Variants in RBM25 observed in about 807,000 individuals in gnomAD.
RBM25 encodes RNA binding motif protein 25.
RBM25 carries 19 observed loss-of-function variants against 120.7 expected under a neutral mutation model. The observed-to-expected ratio is 0.16, with a 90% confidence interval of 0.11 to 0.23. RBM25 has a LOEUF of 0.23. RBM25 is among the 10% of genes least tolerant of loss of function. The pLI, the probability that RBM25 is intolerant of heterozygous loss-of-function variation, is 1.00. For synonymous variants in RBM25, 390 were observed against 326.7 expected (o/e 1.19, Z -2.09); for missense variants, 605 against 1,041.5 (o/e 0.58, Z 5.77).
chr14:73,105,825 C>CT lies in RBM25; in HGVS notation c.1155-33dup, dbSNP rs1034862828. ...TTTGGTCTTGAAAACAGAAAGTAGACTGACAGATTTGTAAAATATTTTGTT... is the reference window on the plus strand; with the variant it reads ...TTTGGTCTTGAAAACAGAAAGTAGACTTGACAGATTTGTAAAATATTTTGTT... On this transcript the variant is annotated intron_variant, in intron 10 of 18. Transcript: ENST00000261973. 5 of 1,593,916 alleles carry CT rather than the reference C, an allele frequency of 3.1e-6. No homozygotes were observed. The African/African-American group carries it at 5.5e-5, about 17-fold the overall frequency.
chr14:73,076,191 C>T, intron 2 of RBM25, 128 bp from the exon 3 acceptor site: 2 of 753,914 alleles, frequency 2.7e-6, no homozygotes, highest in Admixed American at 2.3e-5. Flanking sequence ...TAGTATTTAT[C>T]AGTATTTCAC....
rs76800119 is a variant in RBM25, at chr14:73,066,757, G to A, written c.-15-4870G>A. Among the ~76,000 whole-genome samples, 147 of 152,080 alleles carry A rather than the reference G, an allele frequency of 9.7e-4. 2 individuals are homozygous for A. In the East Asian group the frequency reaches 0.023, roughly 24 times the overall value. The stretch of plus-strand genomic sequence containing the variant: ...ATTGAAGTTTAGTTTTATTGAATAT[G>A]GTATTATCCCAATTTAAGTCAAAGG... On this transcript the variant is annotated intron_variant, in intron 1 of 18. Transcript: ENST00000261973.
intron 6 of RBM25, among the ~76,000 whole-genome samples, chr14:73,091,573 C>T (rs1007479306): frequency 2.0e-5 from 3 of 151,958 alleles, no homozygotes; most frequent in Admixed American, 6.6e-5. Flanking sequence ...TGTTGGTCTT[C>T]AGGAAAAGCA....
At position 73,062,106 on chromosome 14, in the gene RBM25, G is replaced by A. The variant is rs763274470; in HGVS notation, c.-16+3401G>A. Among the ~76,000 whole-genome samples the A allele has an allele frequency of 1.8e-4, 27 of 151,404 alleles. 1 individual carries two copies. The highest frequency in any genetic ancestry group is 3.4e-3 in the Middle Eastern group (1 of 294). On this transcript the variant is annotated intron_variant, in intron 1 of 18. Coordinates refer to ENST00000261973, the MANE Select transcript of RBM25 (RefSeq NM_021239.3). ...TCCAGGGCTCAAGTGATCCTCCTGC[G>A]TAGCTGTGACTATAGGCAGGCACAG...
chr14:73,077,234 T>C, intron 3 of RBM25, 135 bp from the exon 4 acceptor site: 4 of 682,470 alleles, frequency 5.9e-6, no homozygotes, highest in Non-Finnish European at 6.8e-6. Context: ...TTAGGAGCTT[T>C]AGAAGTATAC....
At chr14:73,059,721 G>C (rs1894955112) in intron 1 of RBM25, among the ~76,000 whole-genome samples, 1 of 152,176 alleles carries the variant, frequency 6.6e-6, no homozygotes, top group Non-Finnish European at 1.5e-5. Flanking sequence ...CAGAGGACTT[G>C]AAAGGGATTA....
chr14:73,085,301 G>A (rs1420462371), intron 5 of RBM25, among the ~76,000 whole-genome samples: 1 of 150,294 alleles, frequency 6.7e-6, no homozygotes, highest in Non-Finnish European at 1.5e-5. Flanking sequence ...ACAGACGTGA[G>A]CCACCGCGCC....
intron 6 of RBM25, among the ~76,000 whole-genome samples, chr14:73,090,667 C>T (rs1208597634): frequency 6.6e-6 from 1 of 152,192 alleles, no homozygotes; most frequent in African/African-American, 2.4e-5. Context: ...ATATCTCTCT[C>T]TTTCACAGCC....
chr14:73,103,389 A>G lies in RBM25; in HGVS notation c.1065A>G (p.Lys355=). 9.3e-6 allele frequency: 15 copies of G among 1,612,908 alleles called. No individual in the cohort carries two copies. The highest frequency in any genetic ancestry group is 1.3e-5 in the Non-Finnish European group (15 of 1,179,470). Residue 355 remains lysine (K), a synonymous_variant, in exon 10 of 19, where the codon AAA becomes AAG. Transcript: ENST00000261973. ...GGGATAGGGACCGTGACCGGACAAA[A>G]GAGAGAGACCGAGATCGGGATCGAG... The part of the protein sequence containing the change: ...RERDRDRDRT[K]ERDRDRDRER...
chr14:73,115,325 C>T (rs1199698778), intron 18 of RBM25, among the ~76,000 whole-genome samples: 2 of 152,168 alleles, frequency 1.3e-5, no homozygotes, highest in Non-Finnish European at 2.9e-5. Flanking sequence ...TCCCTCCTCC[C>T]ACCCTCTGCC....
At chr14:73,060,273 G>A (rs148062007) in intron 1 of RBM25, among the ~76,000 whole-genome samples, 1 of 151,372 alleles carries the variant, frequency 6.6e-6, no homozygotes. Context: ...TCCTGACCTC[G>A]TGATCCGCCC....
intron 4 of RBM25, among the ~76,000 whole-genome samples, chr14:73,081,718 G>A (rs1332675918): frequency 6.6e-6 from 1 of 152,112 alleles, no homozygotes; most frequent in African/African-American, 2.4e-5. Flanking sequence ...GTAGTTTACC[G>A]GGATATAGAA....
chr14:73,092,003 G>T (rs1165852224), intron 6 of RBM25, among the ~76,000 whole-genome samples: 1 of 152,050 alleles, frequency 6.6e-6, no homozygotes, highest in Non-Finnish European at 1.5e-5. Context: ...GTATTTCTGA[G>T]TGCCCTTTGG....
chr14:73,108,028 T>A lies in RBM25; in HGVS notation c.1541+129T>A, dbSNP rs933485523. The A allele has an allele frequency of 1.8e-5, 12 of 685,636 alleles. No homozygotes were observed. The African/African-American group carries it at 2.2e-4, about 13-fold the overall frequency. The allele number at this position is 685,636 out of a possible 1,614,324, so 42.5% of individuals were successfully genotyped here. On this transcript the variant is annotated intron_variant, in intron 13 of 18. Transcript: ENST00000261973. ...CAAACTTTCACATTCTGAGTAATTA[T>A]TAATTCTATAGCTAATACACTGTTT...
intron 9 of RBM25, chr14:73,102,391 G>A (rs1896073515): frequency 6.6e-6 from 1 of 152,230 alleles, no homozygotes; most frequent in South Asian, 2.1e-4. Context: ...GGTTAATCCA[G>A]TGTTGGCGAT....
rs71112704 is a variant in RBM25 at position 73,117,210 on chromosome 14, C to CTTTTTTTT, written c.2440-2476_2440-2469dup. Among the ~76,000 whole-genome samples the CTTTTTTTT allele has an allele frequency of 4.5e-3, 224 of 49,424 alleles. 18 individuals are homozygous for CTTTTTTTT. The highest frequency in any genetic ancestry group is 5.6e-3 in the Non-Finnish European group (152 of 27,342). 32.4% of individuals were successfully genotyped at this position (49,424 alleles called of 152,430 possible). ...TTTCTTTTAATTTCTTTCTTCTTTTCTTTTTTTTTTTTTTTTTTTTTTTTT... is the reference window on the plus strand; with the variant it reads ...TTTCTTTTAATTTCTTTCTTCTTTTCTTTTTTTTTTTTTTTTTTTTTTTTTTTTTTTTT... On this transcript the variant is annotated intron_variant, in intron 18 of 18. Transcript: ENST00000261973.
chr14:73,061,080 T>C (rs1208430124), intron 1 of RBM25, among the ~76,000 whole-genome samples: 4 of 150,236 alleles, frequency 2.7e-5, no homozygotes, highest in African/African-American at 9.7e-5. Flanking sequence ...TTTTTGGAGA[T>C]GGAGTCTCGC....
At chr14:73,069,851 A>T (rs1241768082) in intron 1 of RBM25, 12 of 126,622 alleles carry the variant, frequency 9.5e-5, no homozygotes, top group African/African-American at 3.2e-4. Flanking sequence ...TTTTTGAGAC[A>T]GGGTCTTTCT....
At chr14:73,077,289 C>T in intron 3 of RBM25, 80 bp from the exon 4 acceptor site, 4 of 1,230,686 alleles carry the variant, frequency 3.3e-6, no homozygotes, top group Non-Finnish European at 4.6e-6. Flanking sequence ...TTTATTTAAT[C>T]CTGATGTTTT....
Sources: allele counts gnomAD v4.1 joint callset (sites outside exome capture counted in the v4.1 genomes callset), GRCh38; gene constraint gnomAD v4.1.1; transcripts MANE v1.5; gene names NCBI Gene and HGNC (gene_info 2026-07-23, HGNC 2026-07-21).